Variants in MAGI1 observed in about 807,000 individuals in gnomAD.
MAGI1 encodes membrane associated guanylate kinase, WW and PDZ domain containing 1.
MAGI1 carries 58 observed loss-of-function variants against 139.9 expected under a neutral mutation model. The ratio of observed to expected loss-of-function variants is 0.41; its 90% CI spans 0.34 to 0.52. MAGI1 has a LOEUF of 0.52. MAGI1 is among the 20% of genes least tolerant of loss of function. MAGI1 has a pLI of 0.12. For missense variants in MAGI1, 1,874 were observed against 1,901.6 expected, an observed-to-expected ratio of 0.99 and a Z score of 0.27; for synonymous variants, 812 against 737.9, an observed-to-expected ratio of 1.10 and a Z score of -1.63.
chr3:65,848,590 T>A, intron 1 of MAGI1, among the ~76,000 whole-genome samples: 1 of 152,098 alleles, frequency 6.6e-6, no homozygotes, highest in East Asian at 1.9e-4. Flanking sequence ...TTTTTTTTTT[T>A]TTTATTTTCT....
At chr3:65,583,321 T>G (rs1013670371) in intron 2 of MAGI1, among the ~76,000 whole-genome samples, 2 of 152,146 alleles carry the variant, frequency 1.3e-5, no homozygotes, top group African/African-American at 4.8e-5. Context: ...ATGACACTAC[T>G]TTCATTACTC....
intron 1 of MAGI1, among the ~76,000 whole-genome samples, chr3:66,010,113 GTTTA>G (rs2067250134): frequency 8.7e-6 from 1 of 115,464 alleles, no homozygotes; most frequent in African/African-American, 3.0e-5. Flanking sequence ...AAGAATCATT[GTTTA>G]TTTTTAAAAA....
intron 1 of MAGI1, among the ~76,000 whole-genome samples, chr3:65,918,397 T>TTTG (rs61164918): frequency 2.6e-5 from 4 of 151,062 alleles, no homozygotes; most frequent in African/African-American, 4.9e-5. Flanking sequence ...TTTTTTTTTT[T>TTTG]GTGAGACGGA....
chr3:65,434,938 A>G (rs770761491), intron 10 of MAGI1, among the ~76,000 whole-genome samples: 6 of 152,180 alleles, frequency 3.9e-5, no homozygotes, highest in Non-Finnish European at 7.3e-5. Flanking sequence ...TGATTATACC[A>G]TGAGAGTGGA....
chr3:65,666,298 TATAA>T (rs1273815580), intron 1 of MAGI1, among the ~76,000 whole-genome samples: 3 of 152,210 alleles, frequency 2.0e-5, no homozygotes, highest in Non-Finnish European at 4.4e-5. Context: ...TCAGAGATAC[TATAA>T]ATAGTGATTT....
At chr3:65,749,136 A>G (rs1023789758) in intron 1 of MAGI1, among the ~76,000 whole-genome samples, 2 of 152,124 alleles carry the variant, frequency 1.3e-5, no homozygotes, top group Non-Finnish European at 2.9e-5. Flanking sequence ...GGCTTCCAAG[A>G]CTTCATCATG....
chr3:65,447,307 T>G (rs1220186291), intron 7 of MAGI1, among the ~76,000 whole-genome samples: 1 of 152,226 alleles, frequency 6.6e-6, no homozygotes, highest in East Asian at 1.9e-4. Context: ...CGTAATTCAA[T>G]ATATTCCAAT....
At chr3:65,429,248 C>T (rs1947301878) in intron 12 of MAGI1, among the ~76,000 whole-genome samples, 1 of 151,974 alleles carries the variant, frequency 6.6e-6, no homozygotes, top group Non-Finnish European at 1.5e-5. Flanking sequence ...CAGGTGGGTA[C>T]CACCACACCC....
At chr3:65,507,410 C>CA (rs1456407911) in intron 2 of MAGI1, among the ~76,000 whole-genome samples, 120 of 152,278 alleles carry the variant, frequency 7.9e-4, no homozygotes, top group African/African-American at 2.7e-3. Context: ...TTAAATATCA[C>CA]ATAAAATTGT....
chr3:65,455,929 C>G (rs1042360540), intron 5 of MAGI1, among the ~76,000 whole-genome samples: 1 of 152,148 alleles, frequency 6.6e-6, no homozygotes, highest in Non-Finnish European at 1.5e-5. Context: ...TCTAACCACT[C>G]AAAGACATCT....
At chr3:65,674,741 T>C (rs2087078871) in intron 1 of MAGI1, among the ~76,000 whole-genome samples, 2 of 152,206 alleles carry the variant, frequency 1.3e-5, no homozygotes, top group African/African-American at 2.4e-5. Context: ...ACCCGCTGTA[T>C]AATTCAGAAC....
At chr3:65,443,357 C>T (rs1948473554) in intron 7 of MAGI1, among the ~76,000 whole-genome samples, 1 of 152,196 alleles carries the variant, frequency 6.6e-6, no homozygotes, top group Non-Finnish European at 1.5e-5. Flanking sequence ...GAACTGCACA[C>T]AACTATCACT....
intron 2 of MAGI1, chr3:65,498,911 A>C (rs1420079320): frequency 1.5e-6 from 1 of 668,724 alleles, no homozygotes; most frequent in East Asian, 1.4e-4. Flanking sequence ...TGGTCAGTAC[A>C]GCTCTCAACC....
chr3:65,370,824 G>A (rs1224486239), intron 18 of MAGI1, among the ~76,000 whole-genome samples: 1 of 152,136 alleles, frequency 6.6e-6, no homozygotes, highest in Non-Finnish European at 1.5e-5. Context: ...CTAGCTAATT[G>A]TTTTGAATTT....
At position 65,856,625 on chromosome 3, in the gene MAGI1, C is replaced by T. The variant is rs141856686; in HGVS notation, c.313+181371G>A. Among the ~76,000 whole-genome samples, 363 of 152,286 alleles carry T rather than the reference C, an allele frequency of 2.4e-3. 2 individuals are homozygous for T. The highest frequency in any genetic ancestry group is 8.3e-3 in the African/African-American group (346 of 41,552). On this transcript the variant is annotated intron_variant, in intron 1 of 22. Coordinates refer to ENST00000402939, the MANE Select transcript of MAGI1 (RefSeq NM_001033057.2). Reference sequence around the variant, plus strand: ...AAGACAACACGCCAGGCTTTCCTCCCCTCCATTCTGACATATCTCAGATGA... The same window carrying T: ...AAGACAACACGCCAGGCTTTCCTCCTCTCCATTCTGACATATCTCAGATGA...
chr3:65,960,717 G>A (rs1218829649), intron 1 of MAGI1, among the ~76,000 whole-genome samples: 1 of 152,174 alleles, frequency 6.6e-6, no homozygotes, highest in African/African-American at 2.4e-5. Flanking sequence ...GATTTCCCTT[G>A]AGCAGACTGC....
chr3:65,800,084 C>G (rs1001843046), intron 1 of MAGI1, among the ~76,000 whole-genome samples: 2 of 152,174 alleles, frequency 1.3e-5, no homozygotes, highest in African/African-American at 4.8e-5. Context: ...TACTTTCCTC[C>G]CAAGTTTCAG....
At chr3:65,816,947 A>G (rs2041642271) in intron 1 of MAGI1, among the ~76,000 whole-genome samples, 1 of 152,246 alleles carries the variant, frequency 6.6e-6, no homozygotes, top group South Asian at 2.1e-4. Flanking sequence ...GGACTAAAAA[A>G]TAATTTAATG....
chr3:65,976,352 G>T (rs1393512883), intron 1 of MAGI1, among the ~76,000 whole-genome samples: 1 of 152,118 alleles, frequency 6.6e-6, no homozygotes, highest in Non-Finnish European at 1.5e-5. Flanking sequence ...TTTTGGGCCA[G>T]GCATGGTGGC....
Sources: allele counts gnomAD v4.1 joint callset (sites outside exome capture counted in the v4.1 genomes callset), GRCh38; gene constraint gnomAD v4.1.1; transcripts MANE v1.5; gene names NCBI Gene and HGNC (gene_info 2026-07-23, HGNC 2026-07-21).